The following SHROOM4 variants were observed in gnomAD, a reference collection of about 807,000 sequenced individuals.
The protein encoded by SHROOM4 is protein Shroom4.
Under a neutral mutation model 80.3 loss-of-function variants are expected in SHROOM4, and 17 were observed. The ratio of observed to expected loss-of-function variants is 0.21; its 90% CI spans 0.14 to 0.32. SHROOM4 has a LOEUF of 0.32. SHROOM4 is among the 10% of genes least tolerant of loss of function. The pLI is 1.00. For synonymous variants in SHROOM4, 400 were observed against 437.5 expected (o/e 0.91, Z 1.07); for missense variants, 993 against 1,140.3 (o/e 0.87, Z 1.86).
chrX:50,786,274 G>A, intron 1 of SHROOM4, among the ~76,000 whole-genome samples: 1 of 111,888 alleles, frequency 8.9e-6, no homozygotes, highest in East Asian at 2.8e-4. Context: ...TCAGAGTGAT[G>A]ATGGGACCTA....
At chrX:50,782,747 AAGTC>A (rs1334271916) in intron 1 of SHROOM4, among the ~76,000 whole-genome samples, 1 of 112,221 alleles carries the variant, frequency 8.9e-6, no homozygotes, top group Non-Finnish European at 1.9e-5. Context: ...TAAGTGAAAT[AAGTC>A]AGTCACAGAA....
intron 1 of SHROOM4, among the ~76,000 whole-genome samples, chrX:50,748,542 G>A (rs1934830108): frequency 9.0e-6 from 1 of 111,495 alleles, no homozygotes. Context: ...AAACTGACAT[G>A]AGTTGCTGTG....
chrX:50,758,697 G>A (rs781859859), intron 1 of SHROOM4, among the ~76,000 whole-genome samples: 13 of 111,620 alleles, frequency 1.2e-4, no homozygotes, highest in Admixed American at 1.1e-3. Context: ...ATGAGTTGAC[G>A]CTTATTTCCT....
intron 1 of SHROOM4, among the ~76,000 whole-genome samples, chrX:50,779,806 C>T (rs1427913678): frequency 8.9e-6 from 1 of 111,993 alleles, no homozygotes; most frequent in Non-Finnish European, 1.9e-5. Context: ...TAAGAGAAGT[C>T]AGAGGGGGAT....
At chrX:50,684,114 C>G (rs782508005) in intron 2 of SHROOM4, among the ~76,000 whole-genome samples, 1 of 111,952 alleles carries the variant, frequency 8.9e-6, no homozygotes, top group Non-Finnish European at 1.9e-5. Context: ...CATGTTTACC[C>G]AGAACCTTTG....
intron 2 of SHROOM4, among the ~76,000 whole-genome samples, chrX:50,657,758 T>C (rs782130051): frequency 2.7e-5 from 3 of 109,306 alleles, no homozygotes; most frequent in African/African-American, 1.0e-4. Flanking sequence ...TTGAATGGTT[T>C]TCCTTCTGCA....
chrX:50,606,334 T>C (rs191413657), intron 6 of SHROOM4, among the ~76,000 whole-genome samples: 2 of 108,890 alleles, frequency 1.8e-5, no homozygotes, highest in East Asian at 2.9e-4. Flanking sequence ...TAGCTCCACA[T>C]AGACAAGTCA....
intron 2 of SHROOM4, among the ~76,000 whole-genome samples, chrX:50,664,530 T>C (rs1340169100): frequency 2.7e-5 from 3 of 111,731 alleles, no homozygotes; most frequent in Non-Finnish European, 5.6e-5. Context: ...GGGTGTTGCA[T>C]TAACATTCAT....
At chrX:50,781,330 A>C (rs1314972365) in intron 1 of SHROOM4, among the ~76,000 whole-genome samples, 5 of 110,266 alleles carry the variant, frequency 4.5e-5, no homozygotes, top group African/African-American at 1.6e-4. Context: ...CCACCATCCA[A>C]CATAATTTGT....
rs782568234 is a variant in SHROOM4 at position 50,634,578 on chromosome X, C to T, written c.1495G>A (p.Glu499Lys). The T allele has an allele frequency of 1.7e-6, 2 of 1,212,010 alleles. No homozygotes were observed. Among genetic ancestry groups the T allele is most frequent in the South Asian group, 3.5e-5 (2 of 56,977 alleles). ...TTTTCTGAGGGGTGTCCATCAGCCT[C>T]TCCATGTGGGGGACTGCTTTGGCTC... ...HQSQSSPPHG[E>K]ADGHPSEKGF... The change falls in exon 4 of 9, where the codon GAG becomes AAG. Residue 499 changes from glutamate (E) to lysine (K), a missense_variant. By Grantham distance (56) the Glu-to-Lys change is moderately conservative. Transcript: ENST00000376020.
chrX:50,600,146 C>T (rs1171987158), intron 7 of SHROOM4, among the ~76,000 whole-genome samples: 1 of 111,985 alleles, frequency 8.9e-6, no homozygotes, highest in African/African-American at 3.2e-5. Context: ...GTAAATGAAA[C>T]CACATAAGTA....
intron 1 of SHROOM4, among the ~76,000 whole-genome samples, chrX:50,772,420 A>G (rs1027839935): frequency 9.0e-6 from 1 of 111,496 alleles, no homozygotes; most frequent in African/African-American, 3.3e-5. Context: ...CTTCCCAAGG[A>G]CACACAGCTA....
At chrX:50,713,909 GT>G (rs1481413108) in intron 1 of SHROOM4, among the ~76,000 whole-genome samples, 3 of 111,778 alleles carry the variant, frequency 2.7e-5, no homozygotes, top group Non-Finnish European at 3.8e-5. Context: ...GTCCTGAAGA[GT>G]TTTCCCTAGG....
chrX:50,792,280 C>T (rs1602517661), intron 1 of SHROOM4, among the ~76,000 whole-genome samples: 1 of 111,780 alleles, frequency 8.9e-6, no homozygotes, highest in African/African-American at 3.2e-5. Flanking sequence ...TGGTGGATCA[C>T]CCGAGGTCAG....
chrX:50,739,358 G>T (rs781802443), intron 1 of SHROOM4, among the ~76,000 whole-genome samples: 2 of 111,142 alleles, frequency 1.8e-5, no homozygotes, highest in Admixed American at 9.5e-5. Context: ...AAGAGCTTCT[G>T]CACAGCAAAA....
intron 2 of SHROOM4, among the ~76,000 whole-genome samples, chrX:50,678,786 C>G (rs1932888267): frequency 2.7e-5 from 3 of 111,053 alleles, no homozygotes; most frequent in Admixed American, 1.9e-4. Context: ...GTGTCATACC[C>G]TAGTGAATCT....
intron 1 of SHROOM4, among the ~76,000 whole-genome samples, chrX:50,720,053 T>A (rs1557265296): frequency 8.9e-6 from 1 of 111,798 alleles, no homozygotes; most frequent in Non-Finnish European, 1.9e-5. Context: ...TTCCCACTCA[T>A]AGGCAATTTT....
At chrX:50,631,256 C>A (rs1324869635) in intron 4 of SHROOM4, among the ~76,000 whole-genome samples, 1 of 111,211 alleles carries the variant, frequency 9.0e-6, no homozygotes, top group African/African-American at 3.3e-5. Context: ...CAATCAATGT[C>A]ATTCACCACA....
Position 50,633,565 on chromosome X carries a change from T to C in SHROOM4, c.2508A>G (p.Pro836=), listed in dbSNP as rs1450422600. The C allele has an allele frequency of 1.8e-5, 22 of 1,209,902 alleles. No homozygotes were observed. The Admixed American group carries it at 4.8e-4, about 26-fold the overall frequency. ...GATATGATTGGTCTGTGGCATGATA[T>C]GGTTGGTCTGCGGAATGATATGATT... ...MDQSYHSADQ[P]YHATDQSYHS... The change falls in exon 4 of 9, where the codon CCA becomes CCG. Residue 836 remains proline (P), a synonymous_variant. Transcript: ENST00000376020.
Sources: allele counts gnomAD v4.1 joint callset (sites outside exome capture counted in the v4.1 genomes callset), GRCh38; gene constraint gnomAD v4.1.1; transcripts MANE v1.5; gene names NCBI Gene and HGNC (gene_info 2026-07-23, HGNC 2026-07-21).